Variants in ITPRID2 observed in about 807,000 individuals in gnomAD.
The protein encoded by ITPRID2 is protein ITPRID2.
ITPRID2 carries 60 observed loss-of-function variants against 124.3 expected under a neutral mutation model. The observed-to-expected ratio is 0.48, with a 90% CI of 0.39 to 0.60. The LOEUF is 0.60. ITPRID2 is among the 20% of genes least tolerant of loss of function. ITPRID2 has a pLI of 0.00. For missense variants in ITPRID2, 1,553 were observed against 1,512.2 expected (o/e 1.03, Z -0.45); for synonymous variants, 521 against 542.9 (o/e 0.96, Z 0.56).
rs550013523 is a variant in ITPRID2, at chr2:181,892,488, G to C, written c.212-127G>C. On this transcript the variant is annotated intron_variant, in intron 1 of 17. Coordinates refer to ENST00000431877, the MANE Select transcript of ITPRID2 (RefSeq NM_001130445.3). The surrounding 1 kb of genome is among the most constrained non-coding windows in gnomAD (Gnocchi z 5.2). ...GTGCCATCCGATTTCCCTGCCAAGGGACACTGAGACGTGTCGCTTAGGCTG... is the reference window on the plus strand; with the variant it reads ...GTGCCATCCGATTTCCCTGCCAAGGCACACTGAGACGTGTCGCTTAGGCTG... 3.8e-4 allele frequency: 487 copies of C among 1,287,814 alleles called. 4 individuals carry two copies. The South Asian group carries it at 5.8e-3, about 15-fold the overall frequency. 79.8% of individuals were successfully genotyped at this position (1,287,814 alleles called of 1,614,324 possible).
Position 181,915,538 on chromosome 2 carries a change from C to G in ITPRID2, c.1898C>G (p.Thr633Arg). The G allele has an allele frequency of 2.5e-6, 4 of 1,614,180 alleles. No individual in the cohort carries two copies. Among genetic ancestry groups the G allele is most frequent in the Non-Finnish European group, 3.4e-6 (4 of 1,180,028 alleles). ...GAAGAGGATTTGTTTCCAGCAGAGACAGTAGAGCTACTGAGGGAAGCAAGT... is the reference window on the plus strand; with the variant it reads ...GAAGAGGATTTGTTTCCAGCAGAGAGAGTAGAGCTACTGAGGGAAGCAAGT... ...EVEEDLFPAE[T>R]VELLREASAE... The change falls in exon 11 of 18, where the codon ACA becomes AGA. Residue 633 changes from threonine to arginine, a missense_variant. Transcript: ENST00000431877.
In ITPRID2 at chr2:181,902,248, A is replaced by T. The variant is rs1692727130; in HGVS notation, c.1195A>T (p.Thr399Ser). 1.2e-6 allele frequency: 2 copies of T among 1,612,996 alleles called. No individual in the cohort carries two copies. Among genetic ancestry groups the T allele is most frequent in the Non-Finnish European group, 8.5e-7 (1 of 1,179,384 alleles). Reference protein sequence around the residue: ...QGTENEQSKETQSHESKLGEE... With the variant: ...QGTENEQSKESQSHESKLGEE... ...AACTGAAAATGAACAAAGTAAAGAAACTCAAAGTCATGAGAGTAAACTGGG... is the reference window on the plus strand; with the variant it reads ...AACTGAAAATGAACAAAGTAAAGAATCTCAAAGTCATGAGAGTAAACTGGG... The change falls in exon 8 of 18, where the codon ACT becomes TCT. Residue 399 changes from threonine to serine, a missense_variant. Transcript: ENST00000431877. This position sits in a 1 kb window ranked among gnomAD's most constrained non-coding sequence, Gnocchi z 4.4.
chr2:181,910,774 T>G lies in ITPRID2; in HGVS notation c.1486+803T>G. The G allele has an allele frequency of 2.0e-6, 1 of 503,942 alleles. No individual in the cohort carries two copies. Among genetic ancestry groups the G allele is most frequent in the African/African-American group, 2.0e-5 (1 of 49,846 alleles). 31.2% of individuals were successfully genotyped at this position (503,942 alleles called of 1,614,324 possible). A position where few individuals can be genotyped will look rare whatever the true frequency, so the allele number is the denominator to read the frequency against. ...TGAAATTACTTCACAGGAGACAATTTGCATAAATTTTTTTCTTTTATTGCA... is the reference window on the plus strand; with the variant it reads ...TGAAATTACTTCACAGGAGACAATTGGCATAAATTTTTTTCTTTTATTGCA... On this transcript the variant is annotated intron_variant, in intron 9 of 17. Transcript: ENST00000431877. The surrounding 1 kb of genome is among the most constrained non-coding windows in gnomAD (Gnocchi z 4.1).
rs753642671 is a variant in ITPRID2, at chr2:181,900,911, T to G, written c.712+7T>G. Reference sequence around the variant, plus strand: ...CCAAATTATGCTTTAACAAGTAAGATTTTTAAGTGTTAGGCATATTATTTT... The same window carrying G: ...CCAAATTATGCTTTAACAAGTAAGAGTTTTAAGTGTTAGGCATATTATTTT... On this transcript the variant is annotated splice_region_variant and intron_variant, in intron 7 of 17. Coordinates refer to ENST00000431877, the MANE Select transcript of ITPRID2 (RefSeq NM_001130445.3). 7 of 1,597,846 alleles carry G rather than the reference T, an allele frequency of 4.4e-6. No homozygotes were observed. The highest frequency in any genetic ancestry group is 6.0e-6 in the Non-Finnish European group (7 of 1,171,866).
chr2:181,926,205 A>T (rs1238970133), intron 16 of ITPRID2, among the ~76,000 whole-genome samples: 1 of 151,944 alleles, frequency 6.6e-6, no homozygotes, highest in Non-Finnish European at 1.5e-5. Flanking sequence ...CAGAGGTTGC[A>T]GTGAGCCGAG....
At chr2:181,906,273 C>T (rs1023664935) in intron 8 of ITPRID2, among the ~76,000 whole-genome samples, 1 of 152,104 alleles carries the variant, frequency 6.6e-6, no homozygotes, top group East Asian at 1.9e-4. Flanking sequence ...CTTTTGATAT[C>T]AGTGCTTCAC....
In ITPRID2 at chr2:181,905,162, G is replaced by A. The variant is rs1270723933; in HGVS notation, c.1413+2696G>A. The stretch of plus-strand genomic sequence containing the variant: ...CCTCCTGGGTTCATGTAATTCTCCT[G>A]CCTCAGCTTCCTGAGTAGCTGGGAT... On this transcript the variant is annotated intron_variant, in intron 8 of 17. Coordinates refer to ENST00000431877, the MANE Select transcript of ITPRID2 (RefSeq NM_001130445.3). The surrounding 1 kb of genome is among the most constrained non-coding windows in gnomAD (Gnocchi z 4.1). Among the ~76,000 whole-genome samples, 1 of 149,514 alleles carries A rather than the reference G, an allele frequency of 6.7e-6. No homozygotes were observed. The highest frequency in any genetic ancestry group is 6.7e-5 in the Admixed American group (1 of 14,826).
Position 181,896,886 on chromosome 2 carries a change from A to G in ITPRID2, c.308-22A>G, listed in dbSNP as rs1692248035. The G allele has an allele frequency of 6.2e-7, 1 of 1,605,250 alleles. No individual in the cohort carries two copies. The highest frequency in any genetic ancestry group is 1.3e-5 in the African/African-American group (1 of 74,684). ...TGGAGAGGAACAGAACACCAGGATG[A>G]GTTTTCAAATGTGTCTTTCAGGTGT... On this transcript the variant is annotated intron_variant, in intron 3 of 17. Transcript: ENST00000431877. This position sits in a 1 kb window ranked among gnomAD's most constrained non-coding sequence, Gnocchi z 4.3.
At chr2:181,914,334 A>G (rs529946785) in intron 10 of ITPRID2, among the ~76,000 whole-genome samples, 2 of 152,184 alleles carry the variant, frequency 1.3e-5, no homozygotes, top group Non-Finnish European at 2.9e-5. Context: ...TGATTTTTAC[A>G]CTAGGTTGTG....
At chr2:181,917,350 A>G (rs908498760) in intron 11 of ITPRID2, 9 of 152,204 alleles carry the variant, frequency 5.9e-5, no homozygotes, top group Non-Finnish European at 1.3e-4. Flanking sequence ...TTATAATAAG[A>G]TATACCTCCT....
rs1012987205 is a variant in ITPRID2, at chr2:181,926,442, G to A, written c.3676-1719G>A. On this transcript the variant is annotated intron_variant, in intron 16 of 17. Transcript: ENST00000431877. ...AGAATACATTTTGGCGACTGGGCGCGGTGGCTCACGCCTGTAATCCCAGCA... is the reference window on the plus strand; with the variant it reads ...AGAATACATTTTGGCGACTGGGCGCAGTGGCTCACGCCTGTAATCCCAGCA... Among the ~76,000 whole-genome samples the A allele has an allele frequency of 3.3e-5, 5 of 151,968 alleles. 1 individual carries two copies. The highest frequency in any genetic ancestry group is 5.9e-5 in the Non-Finnish European group (4 of 68,006).
In ITPRID2 at chr2:181,918,653, C is replaced by A. The variant is rs1395058965; in HGVS notation, c.2843C>A (p.Ser948Ter). ...PAAAPYSTQK[S>*]SVLPLYENTF... ...GCTGCTCCATATAGTACTCAGAAAT[C>A]ATCTGTTCTACCTCTTTATGAAGTA... The change falls in exon 12 of 18, where the codon TCA (serine) becomes TAA (stop). Residue 948 changes from serine to a stop codon, truncating the protein, a stop_gained. Coordinates refer to ENST00000431877, the MANE Select transcript of ITPRID2 (RefSeq NM_001130445.3). LOFTEE classifies it high-confidence loss of function. 2 of 1,614,114 alleles carry A rather than the reference C, an allele frequency of 1.2e-6. No homozygotes were observed. The highest frequency in any genetic ancestry group is 1.7e-6 in the Non-Finnish European group (2 of 1,179,994).
intron 9 of ITPRID2, 39 bp from the exon 10 acceptor site, chr2:181,913,806 G>C: frequency 6.9e-7 from 1 of 1,456,300 alleles, no homozygotes; most frequent in Non-Finnish European, 9.5e-7. Flanking sequence ...TTTATTTATA[G>C]ATCATCTGTT....
At chr2:181,900,545 A>G in intron 6 of ITPRID2, 151 bp from the exon 7 acceptor site, 1 of 631,596 alleles carries the variant, frequency 1.6e-6, no homozygotes, top group South Asian at 2.1e-5. Context: ...ATGTGTAAAC[A>G]TGGTAAAATA....
chr2:181,898,985 A>G (rs1392461023), intron 5 of ITPRID2, 29 bp from the exon 6 acceptor site: 4 of 1,597,298 alleles, frequency 2.5e-6, no homozygotes, highest in African/African-American at 1.4e-5. Context: ...AAAGTTATAA[A>G]GTTTTATATA....
chr2:181,912,172 CATTG>C (rs554039787), intron 9 of ITPRID2, among the ~76,000 whole-genome samples: 2 of 152,178 alleles, frequency 1.3e-5, no homozygotes, highest in Non-Finnish European at 2.9e-5. Context: ...AAATGGGTAT[CATTG>C]ATTGAGGTCA....
intron 11 of ITPRID2, chr2:181,918,343 GA>G: frequency 8.3e-7 from 1 of 1,211,336 alleles, no homozygotes; most frequent in Non-Finnish European, 1.0e-6. Context: ...GGGAAGTCCT[GA>G]AAGAAATAGA....
At chr2:181,923,227 A>G (rs867955920) in intron 16 of ITPRID2, among the ~76,000 whole-genome samples, 10 of 152,210 alleles carry the variant, frequency 6.6e-5, no homozygotes, top group Non-Finnish European at 1.3e-4. Context: ...GGAATAGAAT[A>G]TATCGTTTAA....
In ITPRID2 at chr2:181,907,843, G is replaced by A. The variant is rs1016708993; in HGVS notation, c.1414-2056G>A. Among the ~76,000 whole-genome samples, 1 of 152,130 alleles carries A rather than the reference G, an allele frequency of 6.6e-6. No homozygotes were observed. The highest frequency in any genetic ancestry group is 1.5e-5 in the Non-Finnish European group (1 of 68,004). ...TACTCTGATTTTGCTGAGTAAACAA[G>A]AAGAATCCCAACTTTAGTTTTATTA... On this transcript the variant is annotated intron_variant, in intron 8 of 17. Transcript: ENST00000431877. This position sits in a 1 kb window ranked among gnomAD's most constrained non-coding sequence, Gnocchi z 5.1.
Sources: allele counts gnomAD v4.1 joint callset (sites outside exome capture counted in the v4.1 genomes callset), GRCh38; gene constraint gnomAD v4.1.1; non-coding constraint Gnocchi (gnomAD v3.1); transcripts MANE v1.5; gene names NCBI Gene and HGNC (gene_info 2026-07-23, HGNC 2026-07-21).